ARID4B: variants seen among roughly 807,000 people sequenced by gnomAD.
ARID4B encodes the protein AT-rich interaction domain 4B.
Under a neutral mutation model 147.5 loss-of-function variants are expected in ARID4B, and 26 were observed. That is an observed-to-expected ratio of 0.18 (90% CI 0.13 to 0.24). ARID4B has a LOEUF of 0.24. Among genes scored for constraint, ARID4B ranks in the 10% least tolerant of loss-of-function variants. The probability of loss-of-function intolerance (pLI) is 1.00; values close to 1 mark genes in which losing one functional copy is unlikely to be tolerated. For missense variants in ARID4B, 1,179 were observed against 1,511.5 expected (o/e 0.78, Z 3.65); for synonymous variants, 512 against 507.9 (o/e 1.01, Z -0.11).
chr1:235,187,468 C>T (rs1159007003), intron 19 of ARID4B, among the ~76,000 whole-genome samples: 1 of 152,186 alleles, frequency 6.6e-6, no homozygotes, highest in African/African-American at 2.4e-5. Context: ...ATTGACACTA[C>T]TGTTAGTAGG....
At chr1:235,315,878 TA>T (rs1674389684) in intron 2 of ARID4B, among the ~76,000 whole-genome samples, 2 of 152,150 alleles carry the variant, frequency 1.3e-5, no homozygotes, top group Non-Finnish European at 2.9e-5. Context: ...TTGTAATAAA[TA>T]GTTTCATAAA....
At chr1:235,297,869 G>A (rs1191337728) in intron 2 of ARID4B, among the ~76,000 whole-genome samples, 1 of 152,180 alleles carries the variant, frequency 6.6e-6, no homozygotes. Flanking sequence ...AAAGGGTGGA[G>A]ATTTAAGAGA....
intron 6 of ARID4B, among the ~76,000 whole-genome samples, chr1:235,248,950 C>T (rs1303215376): frequency 1.3e-5 from 2 of 152,156 alleles, no homozygotes; most frequent in African/African-American, 4.8e-5. Context: ...GCCCTGTTAC[C>T]TAAAATGGGC....
rs148923103 is a variant in ARID4B at position 235,264,871 on chromosome 1, C to T, written c.7-4119G>A. Among the ~76,000 whole-genome samples the T allele has an allele frequency of 6.2e-3, 940 of 151,798 alleles. 7 individuals are homozygous for T. The highest frequency in any genetic ancestry group is 0.011 in the Non-Finnish European group (715 of 67,966). On this transcript the variant is annotated intron_variant, in intron 2 of 23. Transcript: ENST00000264183. ...GTCAGGAGTTCGAGACAAGCCTGGT[C>T]AACATGGTGAAACCCCATCTCTACT...
chr1:235,194,588 C>G (rs1012594735), intron 18 of ARID4B, among the ~76,000 whole-genome samples: 2 of 151,906 alleles, frequency 1.3e-5, no homozygotes, highest in African/African-American at 4.8e-5. Flanking sequence ...TGGGAGGCCG[C>G]GGCAGGTGGA....
intron 2 of ARID4B, among the ~76,000 whole-genome samples, chr1:235,267,986 A>G (rs2103134121): frequency 6.6e-6 from 1 of 152,250 alleles, no homozygotes. Context: ...CTCCTTTTTC[A>G]TGTGGCACTA....
intron 2 of ARID4B, among the ~76,000 whole-genome samples, chr1:235,264,597 A>C (rs376461863): frequency 9.2e-4 from 140 of 152,350 alleles, no homozygotes; most frequent in African/African-American, 3.2e-3. Flanking sequence ...GCCACATCAA[A>C]AAAACAGAGT....
At chr1:235,176,485 AGCCAG>A in intron 21 of ARID4B, among the ~76,000 whole-genome samples, 1 of 149,310 alleles carries the variant, frequency 6.7e-6, no homozygotes. Context: ...AAACTCTCAA[AGCCAG>A]AAATTATTCC....
chr1:235,177,408 G>C (rs1663962784), intron 21 of ARID4B, among the ~76,000 whole-genome samples: 1 of 152,122 alleles, frequency 6.6e-6, no homozygotes, highest in African/African-American at 2.4e-5. Flanking sequence ...CTTAAAACTA[G>C]AATTTACCTA....
intron 17 of ARID4B, among the ~76,000 whole-genome samples, chr1:235,198,344 C>T (rs1175136337): frequency 6.6e-6 from 1 of 152,112 alleles, no homozygotes; most frequent in African/African-American, 2.4e-5. Flanking sequence ...AGAATACATG[C>T]ATGATATTGC....
chr1:235,270,219 C>T (rs1670890789), intron 2 of ARID4B, among the ~76,000 whole-genome samples: 1 of 151,960 alleles, frequency 6.6e-6, no homozygotes, highest in Non-Finnish European at 1.5e-5. Flanking sequence ...GGAGGTGGTG[C>T]TTGCAGTGAG....
intron 2 of ARID4B, among the ~76,000 whole-genome samples, chr1:235,301,474 G>A (rs1319745877): frequency 6.6e-6 from 1 of 151,022 alleles, no homozygotes; most frequent in Non-Finnish European, 1.5e-5. Flanking sequence ...AGAAAGTCAA[G>A]GTTGCAGTGA....
intron 2 of ARID4B, among the ~76,000 whole-genome samples, chr1:235,303,724 G>A (rs1381607648): frequency 1.3e-5 from 2 of 152,130 alleles, no homozygotes; most frequent in African/African-American, 4.8e-5. Context: ...GCGAGACCCT[G>A]TCTAAAATAC....
intron 2 of ARID4B, among the ~76,000 whole-genome samples, chr1:235,292,334 C>A (rs1386667459): frequency 6.6e-6 from 1 of 152,150 alleles, no homozygotes; most frequent in East Asian, 1.9e-4. Flanking sequence ...CAAGTTTTGG[C>A]TGGGTGCAGT....
intron 17 of ARID4B, among the ~76,000 whole-genome samples, chr1:235,203,514 T>C (rs1351348318): frequency 6.6e-6 from 1 of 152,174 alleles, no homozygotes; most frequent in African/African-American, 2.4e-5. Context: ...ACCTCACTCT[T>C]TGAAATATGT....
intron 17 of ARID4B, among the ~76,000 whole-genome samples, chr1:235,210,774 T>C (rs1243769625): frequency 6.6e-6 from 1 of 152,162 alleles, no homozygotes; most frequent in Non-Finnish European, 1.5e-5. Context: ...GCATGTCTTG[T>C]TGAACTAGGT....
intron 2 of ARID4B, among the ~76,000 whole-genome samples, chr1:235,316,924 A>G (rs954905545): frequency 6.6e-6 from 1 of 152,218 alleles, no homozygotes; most frequent in African/African-American, 2.4e-5. Flanking sequence ...TTCATGTTAC[A>G]CCAAAGGGAA....
At chr1:235,310,489 A>G (rs986420649) in intron 2 of ARID4B, among the ~76,000 whole-genome samples, 4 of 152,322 alleles carry the variant, frequency 2.6e-5, no homozygotes, top group Admixed American at 2.0e-4. Context: ...ATAAAAAGGG[A>G]AAAATGTTGC....
chr1:235,282,675 C>G (rs1160988982), intron 2 of ARID4B, among the ~76,000 whole-genome samples: 1 of 151,980 alleles, frequency 6.6e-6, no homozygotes, highest in Non-Finnish European at 1.5e-5. Flanking sequence ...TCCTATTGTA[C>G]CCTGAATTTT....
Sources: gnomAD v4.1 joint callset for allele counts (sites outside exome capture counted in the v4.1 genomes callset) on GRCh38, gnomAD v4.1.1 for gene constraint, MANE v1.5 for transcripts, NCBI Gene and HGNC (gene_info 2026-07-23, HGNC 2026-07-21) for gene names.